Variants in WTIP observed in about 807,000 individuals in gnomAD.
The protein encoded by WTIP is WT1 interacting protein.
Under a neutral mutation model 41.7 loss-of-function variants are expected in WTIP, and 23 were observed. The ratio of observed to expected loss-of-function variants is 0.55; its 90% confidence interval spans 0.40 to 0.78. WTIP has a LOEUF of 0.78. WTIP is among the 30% of genes least tolerant of loss of function. The pLI is 0.00. For synonymous variants in WTIP, 314 were observed against 269.9 expected (o/e 1.16, Z -1.60); for missense variants, 619 against 610.5 (o/e 1.01, Z -0.15).
intron 1 of WTIP, among the ~76,000 whole-genome samples, chr19:34,488,097 A>T (rs2075806857): frequency 6.6e-6 from 1 of 150,642 alleles, no homozygotes; most frequent in South Asian, 2.1e-4. Flanking sequence ...TTTCTTTGAG[A>T]CGGAGTCTTA....
In WTIP at chr19:34,508,908, A is replaced by C. The variant is rs1427469602; in HGVS notation, c.*8639A>C. 1 of 152,270 alleles carries C rather than the reference A, an allele frequency of 6.6e-6. No homozygotes were observed. The highest frequency in any genetic ancestry group is 1.5e-5 in the Non-Finnish European group (1 of 68,050). The allele number at this position is 152,270 out of a possible 1,614,324, so 9.4% of individuals were successfully genotyped here. A position where few individuals can be genotyped will look rare whatever the true frequency, so the allele number is the denominator to read the frequency against. On this transcript the variant is annotated 3_prime_UTR_variant, in exon 8 of 8. Transcript: ENST00000590071. ...TCAAAAAAGTAAGTATGACTCCCAC[A>C]TGAAAATTTTCTTCTACAACACGAC...
chr19:34,499,701 C>CT lies in WTIP; in HGVS notation c.1153-413dup, dbSNP rs34005738. On this transcript the variant is annotated intron_variant, in intron 7 of 7. Coordinates refer to ENST00000590071, the MANE Select transcript of WTIP (RefSeq NM_001080436.2). ...ATACCCCCTCTGGCAGAGGAAGAGT[C>CT]TTTTTTTTTTTTTTTGAGATGGAGT... Among the ~76,000 whole-genome samples, 1,097 of 140,070 alleles carry CT rather than the reference C, an allele frequency of 7.8e-3. 10 individuals carry two copies. The highest frequency in any genetic ancestry group is 0.016 in the African/African-American group (605 of 38,364). The allele number at this position is 140,070 out of a possible 152,430, so 91.9% of individuals were successfully genotyped here.
intron 1 of WTIP, among the ~76,000 whole-genome samples, chr19:34,483,063 G>C (rs1334117337): frequency 6.9e-6 from 1 of 144,644 alleles, no homozygotes; most frequent in East Asian, 2.0e-4. Context: ...GGAGTGCAGC[G>C]GCGCGTCCTC....
rs1352212500 is a variant in WTIP, at chr19:34,511,382, C to T, written c.*11113C>T. The T allele has an allele frequency of 6.6e-6, 1 of 152,096 alleles. No individual in the cohort carries two copies. The highest frequency in any genetic ancestry group is 2.4e-5 in the African/African-American group (1 of 41,396). 9.4% of individuals were successfully genotyped at this position (152,096 alleles called of 1,614,324 possible). A position where few individuals can be genotyped will look rare whatever the true frequency, so the allele number is the denominator to read the frequency against. On this transcript the variant is annotated 3_prime_UTR_variant, in exon 8 of 8. Coordinates refer to ENST00000590071, the MANE Select transcript of WTIP (RefSeq NM_001080436.2). ...CAAAATATTTCCCATTGGGTCCCTC[C>T]CACAACACGTGAGAATTATGGGAGT... is the stretch of plus-strand genomic sequence containing the variant.
intron 7 of WTIP, among the ~76,000 whole-genome samples, chr19:34,498,007 G>A (rs1039706183): frequency 1.4e-4 from 22 of 152,138 alleles, no homozygotes; most frequent in Admixed American, 2.6e-4. Flanking sequence ...TGATACCTCC[G>A]GGACCCCGCA....
At chr19:34,485,096 T>C (rs970107116) in intron 1 of WTIP, among the ~76,000 whole-genome samples, 23 of 152,192 alleles carry the variant, frequency 1.5e-4, no homozygotes, top group African/African-American at 5.3e-4. Flanking sequence ...TTTTTTAAAC[T>C]TTTTTGAGAC....
In WTIP at chr19:34,492,981, G is replaced by C. The variant is rs2075833185; in HGVS notation, c.770-56G>C. 6 of 1,592,702 alleles carry C rather than the reference G, an allele frequency of 3.8e-6. No individual in the cohort carries two copies. The South Asian group carries it at 6.6e-5, about 18-fold the overall frequency. ...GAGGGTGCTGAGAGCTGGAAGCACG[G>C]CTCCATCCCTGGTCCCCAGCGTTCC... is the stretch of plus-strand genomic sequence containing the variant. On this transcript the variant is annotated intron_variant, in intron 2 of 7. Transcript: ENST00000590071.
At chr19:34,492,897 C>A in intron 2 of WTIP, 140 bp from the exon 3 acceptor site, 1 of 722,184 alleles carries the variant, frequency 1.4e-6, no homozygotes, top group Non-Finnish European at 2.3e-6. Context: ...ACAATAACAA[C>A]ATAATATTAA....
Position 34,493,422 on chromosome 19 carries a change from G to C in WTIP, c.901-70G>C, listed in dbSNP as rs1218788601. On this transcript the variant is annotated intron_variant, in intron 4 of 7. Coordinates refer to ENST00000590071, the MANE Select transcript of WTIP (RefSeq NM_001080436.2). The surrounding 1 kb of genome is among the most constrained non-coding windows in gnomAD (Gnocchi z 4.1). ...GCTCCAGACCTGCCAGGGGTTCAGG[G>C]CCAGAGCCTCTCCCAGGGCGGTGCT... 1 of 1,597,864 alleles carries C rather than the reference G, an allele frequency of 6.3e-7. No individual in the cohort carries two copies. Among genetic ancestry groups the C allele is most frequent in the Non-Finnish European group, 8.5e-7 (1 of 1,172,914 alleles).
intron 1 of WTIP, among the ~76,000 whole-genome samples, chr19:34,483,046 C>G (rs2075778154): frequency 6.9e-6 from 1 of 145,212 alleles, no homozygotes; most frequent in African/African-American, 2.6e-5. Flanking sequence ...CCTCTGTCGC[C>G]GAGACTGGAG....
At position 34,500,294 on chromosome 19, in the gene WTIP, C is replaced by A; in HGVS notation, c.*25C>A. On this transcript the variant is annotated 3_prime_UTR_variant, in exon 8 of 8. Transcript: ENST00000590071. ...AGCAGGGGAAAACCCGTCCCTGGGC[C>A]GGGGTGGGTGTGGGTGTGGAGGGAG... 2 of 1,549,358 alleles carry A rather than the reference C, an allele frequency of 1.3e-6. No individual in the cohort carries two copies. The highest frequency in any genetic ancestry group is 1.7e-6 in the Non-Finnish European group (2 of 1,147,774).
intron 7 of WTIP, among the ~76,000 whole-genome samples, chr19:34,496,838 T>A (rs149918398): frequency 6.6e-6 from 1 of 151,808 alleles, no homozygotes; most frequent in Non-Finnish European, 1.5e-5. Context: ...GAATTTGGGG[T>A]CACTGGCGTG....
intron 7 of WTIP, among the ~76,000 whole-genome samples, chr19:34,497,909 A>T (rs2075863416): frequency 6.6e-6 from 1 of 152,152 alleles, no homozygotes; most frequent in Non-Finnish European, 1.5e-5. Context: ...TCCAGTACCG[A>T]GGGCAGCAAA....
rs1245870147 is a variant in WTIP at position 34,511,610 on chromosome 19, A to G, written c.*11341A>G. The G allele has an allele frequency of 3.3e-5, 5 of 152,218 alleles. No individual in the cohort carries two copies. Among genetic ancestry groups the G allele is most frequent in the Non-Finnish European group, 7.3e-5 (5 of 68,040 alleles). The allele number at this position is 152,218 out of a possible 1,614,324, so 9.4% of individuals were successfully genotyped here. A position where few individuals can be genotyped will look rare whatever the true frequency, so the allele number is the denominator to read the frequency against. ...TGCACATGGCCACCTTGCCCACTAG[A>G]ACATCTGTGCCAAGCAGTGTTCCCA... On this transcript the variant is annotated 3_prime_UTR_variant, in exon 8 of 8. Transcript: ENST00000590071.
chr19:34,495,335 C>T (rs1275770749), intron 6 of WTIP, among the ~76,000 whole-genome samples: 3 of 151,942 alleles, frequency 2.0e-5, no homozygotes, highest in Non-Finnish European at 2.9e-5. Flanking sequence ...AGTTTGAGGC[C>T]GCAGTGAGCT....
At position 34,493,585 on chromosome 19, in the gene WTIP, G is replaced by A. The variant is rs199775467; in HGVS notation, c.994G>A (p.Val332Met). The change falls in exon 5 of 8, where the codon GTG becomes ATG. Residue 332 changes from valine to methionine, a missense_variant. Physicochemically the swap from Val to Met is conservative, Grantham distance 21 (BLOSUM62 1). Transcript: ENST00000590071. This position sits in a 1 kb window ranked among gnomAD's most constrained non-coding sequence, Gnocchi z 4.1. ...GGACGGGGTTCCCTTCACCGTGGAC[G>A]TGGAGAACAACATCTACTGCGTGCG... ...CLDGVPFTVD[V>M]ENNIYCVRDY... The A allele has an allele frequency of 3.6e-5, 58 of 1,613,528 alleles. No homozygotes were observed. The African/African-American group carries it at 4.9e-4, about 14-fold the overall frequency.
rs1461232505 is a variant in WTIP, at chr19:34,509,364, A to C, written c.*9095A>C. On this transcript the variant is annotated 3_prime_UTR_variant, in exon 8 of 8. Transcript: ENST00000590071. ...ATGGTGGCGGCAAGAGAAAAATGAC[A>C]GAGATGCAAAAGCAGAAACCCCCGA... 1 of 152,220 alleles carries C rather than the reference A, an allele frequency of 6.6e-6. No individual in the cohort carries two copies. Among genetic ancestry groups the C allele is most frequent in the Non-Finnish European group, 1.5e-5 (1 of 68,060 alleles). 9.4% of individuals were successfully genotyped at this position (152,220 alleles called of 1,614,324 possible). A position where few individuals can be genotyped will look rare whatever the true frequency, so the allele number is the denominator to read the frequency against.
intron 1 of WTIP, among the ~76,000 whole-genome samples, chr19:34,484,011 C>G (rs1298550664): frequency 1.3e-5 from 2 of 150,006 alleles, no homozygotes; most frequent in African/African-American, 2.5e-5. Context: ...ACTGCAACCT[C>G]CGACTCCCTG....
At chr19:34,483,917 C>CTTTTT (rs61308943) in intron 1 of WTIP, among the ~76,000 whole-genome samples, 4 of 66,868 alleles carry the variant, frequency 6.0e-5, no homozygotes, top group Non-Finnish European at 1.1e-4. Flanking sequence ...TGAACTGGAT[C>CTTTTT]TTTTTTTTTT....
Sources: gnomAD v4.1 joint callset for allele counts (sites outside exome capture counted in the v4.1 genomes callset) on GRCh38, gnomAD v4.1.1 for gene constraint, Gnocchi (gnomAD v3.1) non-coding constraint, MANE v1.5 for transcripts, NCBI Gene and HGNC (gene_info 2026-07-23, HGNC 2026-07-21) for gene names.